Variants in CSGALNACT1 observed in about 807,000 individuals in gnomAD.
CSGALNACT1 encodes chondroitin sulfate N-acetylgalactosaminyltransferase 1, also known as beta4GalNAcT-1.
Under a neutral mutation model 51.0 loss-of-function variants are expected in CSGALNACT1, and 52 were observed. The ratio of observed to expected loss-of-function variants is 1.02; its 90% CI spans 0.82 to 1.29. CSGALNACT1 has a LOEUF of 1.29. CSGALNACT1 is among the 50% of genes most tolerant of loss of function. CSGALNACT1 has a pLI of 0.00. For synonymous variants in CSGALNACT1, 341 were observed against 254.4 expected, an observed-to-expected ratio of 1.34 and a Z score of -3.24; for missense variants, 935 against 679.2, an observed-to-expected ratio of 1.38 and a Z score of -4.19.
chr8:19,530,645 C>G (rs956049851), intron 3 of CSGALNACT1, among the ~76,000 whole-genome samples: 1 of 152,084 alleles, frequency 6.6e-6, no homozygotes. Flanking sequence ...GCTGGAGGAT[C>G]GCTTGAACCC....
At chr8:19,542,013 A>G (rs2085300416) in intron 3 of CSGALNACT1, among the ~76,000 whole-genome samples, 1 of 152,190 alleles carries the variant, frequency 6.6e-6, no homozygotes, top group Non-Finnish European at 1.5e-5. Flanking sequence ...AAAAGAAGAG[A>G]AAACTTTGGC....
intron 1 of CSGALNACT1, among the ~76,000 whole-genome samples, chr8:19,632,081 A>C (rs946369766): frequency 1.3e-5 from 2 of 152,254 alleles, no homozygotes; most frequent in Non-Finnish European, 2.9e-5. Context: ...TGTTTACATA[A>C]TACTTTTGAT....
exon 10 of CSGALNACT1, chr8:19,404,440 AAT>A (rs1478789557): frequency 1.1e-5 from 5 of 453,096 alleles, no homozygotes; most frequent in Admixed American, 2.4e-5. Flanking sequence ...ATTTTTAAAA[AAT>A]AGTTTGAAAT....
At chr8:19,450,943 A>G (rs1450447521) in intron 5 of CSGALNACT1, among the ~76,000 whole-genome samples, 5 of 152,132 alleles carry the variant, frequency 3.3e-5, no homozygotes, top group Non-Finnish European at 7.4e-5. Flanking sequence ...ATAATAAAAA[A>G]AAAGGACTCA....
chr8:19,596,615 G>C (rs1185509756), intron 2 of CSGALNACT1, among the ~76,000 whole-genome samples: 1 of 147,934 alleles, frequency 6.8e-6, no homozygotes, highest in Admixed American at 6.7e-5. Context: ...AGACAACAAA[G>C]TCTAAAATTA....
chr8:19,575,015 C>A (rs892758280), intron 3 of CSGALNACT1, among the ~76,000 whole-genome samples: 14 of 151,352 alleles, frequency 9.2e-5, no homozygotes, highest in African/African-American at 3.4e-4. Context: ...AGCCTGACAA[C>A]AGAGCGAGAC....
At position 19,610,289 on chromosome 8, in the gene CSGALNACT1, C is replaced by CAA. The variant is rs58262538; in HGVS notation, c.-543-8426_-543-8425dup. On this transcript the variant is annotated intron_variant, in intron 1 of 9. Transcript: ENST00000332246. Reference sequence around the variant, plus strand: ...TGGGCGACAGAGTACGACTCCGTCTCAAAAAAAAAAAAAAAAAAAAAAGAT... The same window carrying CAA: ...TGGGCGACAGAGTACGACTCCGTCTCAAAAAAAAAAAAAAAAAAAAAAAAGAT... Among the ~76,000 whole-genome samples, 244 of 47,466 alleles carry CAA rather than the reference C, an allele frequency of 5.1e-3. 8 individuals are homozygous for CAA. Among genetic ancestry groups the CAA allele is most frequent in the African/African-American group, 7.8e-3 (94 of 12,054 alleles). The allele number at this position is 47,466 out of a possible 152,430, so 31.1% of individuals were successfully genotyped here.
intron 3 of CSGALNACT1, among the ~76,000 whole-genome samples, chr8:19,578,777 C>A (rs2044870117): frequency 6.6e-6 from 1 of 152,126 alleles, no homozygotes; most frequent in South Asian, 2.1e-4. Context: ...TCTACCACTC[C>A]ACTCAAACTG....
intron 1 of CSGALNACT1, among the ~76,000 whole-genome samples, chr8:19,653,283 A>C (rs1331448367): frequency 6.6e-6 from 1 of 152,082 alleles, no homozygotes; most frequent in African/African-American, 2.4e-5. Context: ...GGCTGAGCAC[A>C]CAGCGCTGTT....
chr8:19,417,936 C>T (rs1050809958), intron 8 of CSGALNACT1, among the ~76,000 whole-genome samples: 1 of 152,196 alleles, frequency 6.6e-6, no homozygotes, highest in Non-Finnish European at 1.5e-5. Context: ...GCTTGCATTG[C>T]TTCTCTGCAA....
At chr8:19,595,245 G>T (rs1054064902) in intron 2 of CSGALNACT1, among the ~76,000 whole-genome samples, 2 of 152,040 alleles carry the variant, frequency 1.3e-5, no homozygotes, top group Non-Finnish European at 2.9e-5. Flanking sequence ...CAAAGTAAAG[G>T]TTATCCCTTT....
chr8:19,638,581 T>C (rs988517885), intron 1 of CSGALNACT1, among the ~76,000 whole-genome samples: 1 of 152,158 alleles, frequency 6.6e-6, no homozygotes, highest in Non-Finnish European at 1.5e-5. Context: ...CAAAGAAATA[T>C]TTAAAATGTA....
At chr8:19,479,909 T>C in intron 4 of CSGALNACT1, among the ~76,000 whole-genome samples, 1 of 151,786 alleles carries the variant, frequency 6.6e-6, no homozygotes, top group East Asian at 1.9e-4. Context: ...CCCTGTATAC[T>C]GGGATTCCAT....
chr8:19,408,349 G>A (rs2054777685), intron 9 of CSGALNACT1, among the ~76,000 whole-genome samples: 1 of 151,742 alleles, frequency 6.6e-6, no homozygotes, highest in South Asian at 2.1e-4. Context: ...TTCTCTTTAG[G>A]AGAATCGCTA....
exon 4 of CSGALNACT1, chr8:19,505,949 C>G (rs753723303): frequency 3.3e-6 from 4 of 1,221,568 alleles, no homozygotes; most frequent in African/African-American, 1.5e-5. Flanking sequence ...CCCGGAGCTG[C>G]TTGCATCCAT....
rs538963892 is a variant in CSGALNACT1 at position 19,412,683 on chromosome 8, G to C, written c.1228-3989C>G. Among the ~76,000 whole-genome samples the C allele has an allele frequency of 1.1e-3, 161 of 152,324 alleles. 1 individual carries two copies. The highest frequency in any genetic ancestry group is 3.7e-3 in the African/African-American group (154 of 41,570). Reference sequence around the variant, plus strand: ...TACATGGAAGGCCCCAAGGCCTGCTGTCACTGTTGTGAAATTTGTAATACC... The same window carrying C: ...TACATGGAAGGCCCCAAGGCCTGCTCTCACTGTTGTGAAATTTGTAATACC... On this transcript the variant is annotated intron_variant, in intron 8 of 9. Coordinates refer to ENST00000454498, the Ensembl canonical transcript of CSGALNACT1.
chr8:19,557,556 G>T (rs545060270), intron 3 of CSGALNACT1, among the ~76,000 whole-genome samples: 2 of 152,090 alleles, frequency 1.3e-5, no homozygotes, highest in African/African-American at 4.8e-5. Context: ...TTGTTTTGGG[G>T]ACACACCAGC....
At chr8:19,491,240 C>T (rs1480265702) in intron 4 of CSGALNACT1, among the ~76,000 whole-genome samples, 3 of 151,898 alleles carry the variant, frequency 2.0e-5, no homozygotes, top group Non-Finnish European at 2.9e-5. Flanking sequence ...TTTTGTTTAC[C>T]GTACAATATT....
intron 4 of CSGALNACT1, 102 bp downstream of exon 3, chr8:19,505,099 C>A: frequency 7.5e-7 from 1 of 1,339,014 alleles, no homozygotes; most frequent in Non-Finnish European, 1.1e-6. Context: ...CGCCAGCCAT[C>A]CCAGAGCCAG....
Sources: gnomAD v4.1 joint callset for allele counts (sites outside exome capture counted in the v4.1 genomes callset) on GRCh38, gnomAD v4.1.1 for gene constraint, MANE v1.5 for transcripts, NCBI Gene and HGNC (gene_info 2026-07-23, HGNC 2026-07-21) for gene names.